Variants in FAM234A observed in about 807,000 individuals in gnomAD.
The protein encoded by FAM234A is protein FAM234A.
Under a neutral mutation model 49.1 loss-of-function variants are expected in FAM234A, and 42 were observed. The observed-to-expected ratio is 0.86, with a 90% CI of 0.67 to 1.11. The LOEUF is 1.11. Ranked by LOEUF, FAM234A falls within the 50% of genes least tolerant of loss-of-function variation. The probability of loss-of-function intolerance (pLI) is 0.00; values close to 1 mark genes in which losing one functional copy is unlikely to be tolerated. For missense variants in FAM234A, 815 were observed against 745.2 expected, an observed-to-expected ratio of 1.09 and a Z score of -1.09; for synonymous variants, 369 against 316.2, an observed-to-expected ratio of 1.17 and a Z score of -1.77.
At chr16:266,816 C>T (rs776353166), downstream of FAM234A, among the ~76,000 whole-genome samples, 3 of 152,164 alleles carry the variant, frequency 2.0e-5, no homozygotes, top group Admixed American at 6.5e-5. Context: ...AAGTGAGAAC[C>T]GCCAGGCGGG....
intron 1 of FAM234A, among the ~76,000 whole-genome samples, chr16:243,537 A>G (rs947036334): frequency 1.4e-4 from 21 of 152,180 alleles, no homozygotes; most frequent in Non-Finnish European, 2.9e-5. Context: ...TTGATGAGCA[A>G]ATCTTTGGAC....
At chr16:268,823 G>C, downstream of FAM234A, 3 of 1,550,382 alleles carry the variant, frequency 1.9e-6, no homozygotes, top group Non-Finnish European at 2.6e-6. Context: ...GGCAGAGCTC[G>C]CGCCGAGACC....
At chr16:267,338 A>T (rs1309789807), downstream of FAM234A, among the ~76,000 whole-genome samples, 1 of 152,012 alleles carries the variant, frequency 6.6e-6, no homozygotes, top group Non-Finnish European at 1.5e-5. Context: ...CAGATGCCCC[A>T]AGTCTGCTGC....
chr16:244,848 C>T (rs1383877896), intron 1 of FAM234A, among the ~76,000 whole-genome samples: 24 of 151,464 alleles, frequency 1.6e-4, no homozygotes, highest in African/African-American at 5.1e-4. Context: ...CCACCACGCC[C>T]GGCTAATTTT....
At chr16:251,025 T>C (rs189424829) in intron 2 of FAM234A, among the ~76,000 whole-genome samples, 93 of 152,238 alleles carry the variant, frequency 6.1e-4, no homozygotes, top group East Asian at 2.1e-3. Flanking sequence ...GGTGCAATCT[T>C]GGCTCACTGC....
intron 1 of FAM234A, among the ~76,000 whole-genome samples, chr16:238,252 C>T (rs2050471573): frequency 6.6e-6 from 1 of 152,102 alleles, no homozygotes; most frequent in Non-Finnish European, 1.5e-5. Context: ...CTCCTGATGT[C>T]AAGTGATCTG....
At position 262,081 on chromosome 16, in the gene FAM234A, G is replaced by T. The variant is rs368791097; in HGVS notation, c.709-12G>T. 2.5e-6 allele frequency: 4 copies of T among 1,613,218 alleles called. No homozygotes were observed. The African/African-American group carries it at 5.3e-5, about 22-fold the overall frequency. ...GGTCCCTCTCTTCCTGTGTCATCCT[G>T]TGTCATTGCAGGTTAGTGGCCACCT... On this transcript the variant is annotated splice_polypyrimidine_tract_variant and intron_variant, in intron 6 of 12. Transcript: ENST00000399932.
downstream of FAM234A, among the ~76,000 whole-genome samples, chr16:267,458 ATATGTAC>A (rs1438064210): frequency 1.1e-4 from 16 of 151,884 alleles, 1 homozygote; most frequent in South Asian, 3.3e-3. Flanking sequence ...ACATTCACAC[ATATGTAC>A]TATACATGTG....
chr16:237,325 C>A (rs1297113395), intron 1 of FAM234A, among the ~76,000 whole-genome samples: 1 of 152,082 alleles, frequency 6.6e-6, no homozygotes, highest in Non-Finnish European at 1.5e-5. Flanking sequence ...CCAACAGTTT[C>A]TGTGGGTCAG....
At chr16:259,449 C>T (rs1225679779) in intron 3 of FAM234A, 34 bp from the exon 4 acceptor site, 2 of 1,245,376 alleles carry the variant, frequency 1.6e-6, no homozygotes, top group South Asian at 2.4e-5. Context: ...CCAGGCATGG[C>T]CCGCGGAGTA....
chr16:259,440 C>T, intron 3 of FAM234A, 43 bp from the exon 4 acceptor site: 1 of 1,154,968 alleles, frequency 8.7e-7, no homozygotes, highest in Non-Finnish European at 1.3e-6. Context: ...TCCTGGAAAC[C>T]AGGCATGGCC....
intron 8 of FAM234A, among the ~76,000 whole-genome samples, chr16:262,806 GT>G (rs762650673): frequency 0.026 from 3,386 of 130,564 alleles, 35 homozygotes; most frequent in Non-Finnish European, 0.04. Context: ...TCTCTTTTCT[GT>G]TTTTTTTTTT....
chr16:267,322 A>G (rs559227152), downstream of FAM234A, among the ~76,000 whole-genome samples: 1 of 152,162 alleles, frequency 6.6e-6, no homozygotes, highest in South Asian at 2.1e-4. Context: ...GTCTCCTCCC[A>G]AAGACCAGAT....
At chr16:268,794 C>T (rs1476575732), downstream of FAM234A, 15 of 1,550,148 alleles carry the variant, frequency 9.7e-6, no homozygotes, top group Admixed American at 3.9e-5. Flanking sequence ...TGGGCGACAG[C>T]GGAGAGGCTC....
chr16:257,706 C>T (rs542867947), intron 3 of FAM234A, among the ~76,000 whole-genome samples: 2 of 152,108 alleles, frequency 1.3e-5, no homozygotes, highest in South Asian at 2.1e-4. Context: ...CAACTTCATG[C>T]TGGGCGCAGT....
chr16:258,225 G>T (rs922597427), intron 3 of FAM234A, among the ~76,000 whole-genome samples: 7 of 150,904 alleles, frequency 4.6e-5, no homozygotes, highest in Non-Finnish European at 8.8e-5. Context: ...AGGGTCATAC[G>T]ACAATAGTGG....
At chr16:261,140 A>T (rs936306760) in intron 5 of FAM234A, 1 of 443,064 alleles carries the variant, frequency 2.3e-6, no homozygotes, top group East Asian at 4.0e-5. Context: ...AGCGTTTGGC[A>T]TATTGCCACC....
chr16:268,294 A>C, downstream of FAM234A: 1 of 236,902 alleles, frequency 4.2e-6, no homozygotes, highest in Non-Finnish European at 8.4e-6. Context: ...CATAAGCTGC[A>C]CCCACAGCAG....
Position 244,080 on chromosome 16 carries a change from T to C in FAM234A, c.-139-5469T>C, listed in dbSNP as rs113104850. The stretch of plus-strand genomic sequence containing the variant: ...GCCTCCCAGGTTCACACCATTCTCC[T>C]GCCTCAGCCTCCTGAGTAGCTGGGA... On this transcript the variant is annotated intron_variant, in intron 1 of 12. Coordinates refer to ENST00000399932, the MANE Select transcript of FAM234A (RefSeq NM_032039.4). Among the ~76,000 whole-genome samples, 1,108 of 152,122 alleles carry C rather than the reference T, an allele frequency of 7.3e-3. 11 individuals carry two copies. The highest frequency in any genetic ancestry group is 0.025 in the African/African-American group (1,024 of 41,520).
Sources: gnomAD v4.1 joint callset for allele counts (sites outside exome capture counted in the v4.1 genomes callset) on GRCh38, gnomAD v4.1.1 for gene constraint, MANE v1.5 for transcripts, NCBI Gene and HGNC (gene_info 2026-07-23, HGNC 2026-07-21) for gene names.